Variants in EMILIN2 observed in about 807,000 individuals in gnomAD.
EMILIN2 encodes EMILIN-2.
EMILIN2 carries 71 observed loss-of-function variants against 87.1 expected under a neutral mutation model. That is an observed-to-expected ratio of 0.82 (90% CI 0.67 to 0.99). The LOEUF (loss-of-function observed/expected upper bound fraction) is 0.99, where lower values mean the gene tolerates loss of function less well. Ranked by LOEUF, EMILIN2 falls within the 50% of genes least tolerant of loss-of-function variation. The pLI is 0.00. For synonymous variants in EMILIN2, 581 were observed against 563.4 expected (o/e 1.03, Z -0.44); for missense variants, 1,407 against 1,371.8 (o/e 1.03, Z -0.40).
At chr18:2,856,596 A>G (rs1216670217) in intron 2 of EMILIN2, among the ~76,000 whole-genome samples, 2 of 152,232 alleles carry the variant, frequency 1.3e-5, no homozygotes, top group Non-Finnish European at 1.5e-5. Flanking sequence ...CGCATCCAAC[A>G]GTTACACAGA....
At chr18:2,883,666 C>G (rs1433326762) in intron 2 of EMILIN2, among the ~76,000 whole-genome samples, 1 of 152,182 alleles carries the variant, frequency 6.6e-6, no homozygotes, top group South Asian at 2.1e-4. Flanking sequence ...GGCCCAGGCC[C>G]GGCCTTGAGT....
intron 2 of EMILIN2, among the ~76,000 whole-genome samples, chr18:2,876,722 T>C (rs1266393366): frequency 5.9e-5 from 9 of 151,932 alleles, no homozygotes; most frequent in East Asian, 1.9e-4. Context: ...GCCAAGATAG[T>C]GCCACTGCAC....
chr18:2,885,226 T>G (rs1437593360), intron 3 of EMILIN2, 87 bp downstream of exon 3: 2 of 1,414,988 alleles, frequency 1.4e-6, no homozygotes, highest in Non-Finnish European at 1.9e-6. Context: ...TTTACAATGG[T>G]GAGCTTTGAA....
Position 2,907,011 on chromosome 18 carries a change from G to A in EMILIN2, c.2588G>A (p.Gly863Asp), listed in dbSNP as rs1274365678. The A allele has an allele frequency of 4.2e-5, 56 of 1,341,878 alleles. No individual in the cohort carries two copies. Among genetic ancestry groups the A allele is most frequent in the Non-Finnish European group, 4.9e-5 (51 of 1,049,164 alleles). The allele number at this position is 1,341,878 out of a possible 1,614,324, so 83.1% of individuals were successfully genotyped here. ...PPAGAGVSGR[G>D]LPRGVDGQTG... is the part of the protein sequence containing the mutation. ...GCAGGCGCAGGCGTGTCTGGGCGGG[G>A]TCTGCCGCGGGGCGTGGACGGCCAG... Residue 863 changes from glycine (G) to aspartate (D), a missense_variant, in exon 5 of 8, where the codon GGT becomes GAT. Physicochemically the swap from Gly to Asp is moderately conservative, Grantham distance 94. Transcript: ENST00000254528.
At chr18:2,862,141 A>G (rs1038920831) in intron 2 of EMILIN2, among the ~76,000 whole-genome samples, 1 of 152,164 alleles carries the variant, frequency 6.6e-6, no homozygotes, top group East Asian at 1.9e-4. Context: ...GGGCTGAGAC[A>G]GTGGGGTTTT....
chr18:2,888,668 TAG>T (rs2076815434), intron 3 of EMILIN2, among the ~76,000 whole-genome samples: 1 of 140,614 alleles, frequency 7.1e-6, no homozygotes, highest in Non-Finnish European at 1.5e-5. Flanking sequence ...TGAGCCGAGA[TAG>T]CACCACTGCA....
In EMILIN2 at chr18:2,885,145, T is replaced by G. The variant is rs573332649; in HGVS notation, c.433+6T>G. 1 of 1,592,930 alleles carries G rather than the reference T, an allele frequency of 6.3e-7. No homozygotes were observed. Among genetic ancestry groups the G allele is most frequent in the Non-Finnish European group, 8.5e-7 (1 of 1,170,846 alleles). ...CAGCTTGAAGAAAGCCACAGGTAAC[T>G]TCTTATTTGTGCTATTATGTATGGC... On this transcript the variant is annotated splice_donor_region_variant and intron_variant, in intron 3 of 7. Transcript: ENST00000254528.
At chr18:2,884,199 G>A (rs1009343677) in intron 2 of EMILIN2, among the ~76,000 whole-genome samples, 7 of 152,132 alleles carry the variant, frequency 4.6e-5, no homozygotes, top group African/African-American at 1.2e-4. Flanking sequence ...CTCGTGATCC[G>A]CCTGCCTCGG....
chr18:2,861,696 G>C (rs2076661880), intron 2 of EMILIN2, among the ~76,000 whole-genome samples: 1 of 152,292 alleles, frequency 6.6e-6, no homozygotes, highest in East Asian at 1.9e-4. Flanking sequence ...TTTTGGCTTA[G>C]GATTGACTTG....
intron 2 of EMILIN2, among the ~76,000 whole-genome samples, chr18:2,874,306 T>C (rs1252444240): frequency 6.6e-6 from 1 of 152,142 alleles, no homozygotes; most frequent in Non-Finnish European, 1.5e-5. Context: ...CCTTCCTCCT[T>C]AGCCTCCTGA....
intron 5 of EMILIN2, 43 bp downstream of exon 5, chr18:2,907,128 G>A (rs900135190): frequency 1.4e-5 from 17 of 1,228,934 alleles, no homozygotes; most frequent in African/African-American, 1.6e-5. Context: ...GGGCTCTCCC[G>A]GAACTTCCGC....
intron 4 of EMILIN2, 85 bp downstream of exon 4, chr18:2,892,571 A>G: frequency 6.7e-7 from 1 of 1,485,832 alleles, no homozygotes; most frequent in Non-Finnish European, 8.9e-7. Flanking sequence ...TTCATTTTTG[A>G]TATTGTTGAA....
At position 2,906,842 on chromosome 18, in the gene EMILIN2, G is replaced by T; in HGVS notation, c.2419G>T (p.Ala807Ser). ...GAAGGAGCCGCTGCAGCCCGAGCCC[G>T]CCCCGCCGAGGCCCAGCGGCCCCGC... Reference protein sequence around the residue: ...APKEPLQPEPAPPRPSGPATA... With the variant: ...APKEPLQPEPSPPRPSGPATA... Residue 807 changes from alanine (A) to serine (S), a missense_variant, in exon 5 of 8, where the codon GCC (alanine) becomes TCC (serine). Ala to Ser is a moderately conservative substitution (Grantham distance 99). Transcript: ENST00000254528. 1 of 1,342,552 alleles carries T rather than the reference G, an allele frequency of 7.4e-7. No individual in the cohort carries two copies. Among genetic ancestry groups the T allele is most frequent in the Non-Finnish European group, 9.5e-7 (1 of 1,048,690 alleles). 83.2% of individuals were successfully genotyped at this position (1,342,552 alleles called of 1,614,324 possible). A position where few individuals can be genotyped will look rare whatever the true frequency, so the allele number is the denominator to read the frequency against.
At chr18:2,869,279 T>G (rs549799330) in intron 2 of EMILIN2, among the ~76,000 whole-genome samples, 1 of 106,982 alleles carries the variant, frequency 9.3e-6, no homozygotes, top group South Asian at 2.5e-4. Context: ...AATTACATAG[T>G]TAAAAAAAAA....
In EMILIN2 at chr18:2,913,511, A is replaced by G; in HGVS notation, c.*107A>G. On this transcript the variant is annotated 3_prime_UTR_variant, in exon 8 of 8. Transcript: ENST00000254528. ...AAGCACGGGGCTAGAGTTTCCACAT[A>G]GGCCCCAACATAAAGGCCTTCCCTC... The G allele has an allele frequency of 1.1e-6, 1 of 888,630 alleles. No homozygotes were observed. Among genetic ancestry groups the G allele is most frequent in the South Asian group, 1.8e-5 (1 of 55,108 alleles). 55.0% of individuals were successfully genotyped at this position (888,630 alleles called of 1,614,324 possible).
intron 2 of EMILIN2, among the ~76,000 whole-genome samples, chr18:2,874,834 C>T (rs767291999): frequency 4.6e-5 from 7 of 152,206 alleles, no homozygotes; most frequent in Non-Finnish European, 8.8e-5. Flanking sequence ...TGCAAAGAAA[C>T]TCTTAATGTC....
intron 2 of EMILIN2, among the ~76,000 whole-genome samples, chr18:2,881,937 G>A (rs1352996547): frequency 2.0e-5 from 3 of 152,224 alleles, no homozygotes; most frequent in East Asian, 1.9e-4. Flanking sequence ...TGGGTTGGCC[G>A]AAGTGGGGGT....
intron 2 of EMILIN2, among the ~76,000 whole-genome samples, chr18:2,856,511 A>G (rs2076627970): frequency 1.3e-5 from 2 of 152,174 alleles, no homozygotes; most frequent in African/African-American, 2.4e-5. Context: ...ATTCTTTTAG[A>G]AAAAAATCCT....
In EMILIN2 at chr18:2,906,839, C is replaced by T. The variant is rs1416378640; in HGVS notation, c.2416C>T (p.Pro806Ser). The T allele has an allele frequency of 1.5e-6, 2 of 1,342,966 alleles. No individual in the cohort carries two copies. The highest frequency in any genetic ancestry group is 1.9e-5 in the South Asian group (1 of 52,928). The allele number at this position is 1,342,966 out of a possible 1,614,324, so 83.2% of individuals were successfully genotyped here. Residue 806 changes from proline (P) to serine (S), a missense_variant, in exon 5 of 8, where the codon CCC (proline) becomes TCC (serine). Transcript: ENST00000254528. ...EAPKEPLQPEPAPPRPSGPAT... is the reference protein window; with the variant it reads ...EAPKEPLQPESAPPRPSGPAT... ...CCCGAAGGAGCCGCTGCAGCCCGAG[C>T]CCGCCCCGCCGAGGCCCAGCGGCCC...
Sources: allele counts gnomAD v4.1 joint callset (sites outside exome capture counted in the v4.1 genomes callset), GRCh38; gene constraint gnomAD v4.1.1; transcripts MANE v1.5; gene names NCBI Gene and HGNC (gene_info 2026-07-23, HGNC 2026-07-21).